Variants in MAD1L1 observed in about 807,000 individuals in gnomAD.
The protein encoded by MAD1L1 is mitotic spindle assembly checkpoint protein MAD1.
Under a neutral mutation model 96.9 loss-of-function variants are expected in MAD1L1, and 95 were observed. That is an observed-to-expected ratio of 0.98 (90% CI 0.83 to 1.16). The LOEUF (loss-of-function observed/expected upper bound fraction) is 1.16, where lower values mean the gene tolerates loss of function less well. MAD1L1 is among the 50% of genes most tolerant of loss of function. MAD1L1 has a pLI of 0.00. For synonymous variants in MAD1L1, 473 were observed against 396.6 expected, an observed-to-expected ratio of 1.19 and a Z score of -2.29; for missense variants, 1,007 against 954.4, an observed-to-expected ratio of 1.06 and a Z score of -0.73.
chr7:2,167,274 G>A (rs1790476167), intron 10 of MAD1L1, among the ~76,000 whole-genome samples: 2 of 152,156 alleles, frequency 1.3e-5, no homozygotes, highest in Non-Finnish European at 2.9e-5. Flanking sequence ...CAGGCCGGGC[G>A]CGGCAGCTCA....
At chr7:2,040,807 T>C (rs186961862) in intron 12 of MAD1L1, among the ~76,000 whole-genome samples, 2 of 152,310 alleles carry the variant, frequency 1.3e-5, no homozygotes, top group East Asian at 1.9e-4. Flanking sequence ...TCCAGGACTC[T>C]TCATTATACT....
intron 10 of MAD1L1, among the ~76,000 whole-genome samples, chr7:2,167,551 A>C (rs1790497320): frequency 6.6e-6 from 1 of 150,672 alleles, no homozygotes; most frequent in Non-Finnish European, 1.5e-5. Flanking sequence ...TCCGTCTCAA[A>C]AAATAATAAT....
intron 18 of MAD1L1, among the ~76,000 whole-genome samples, chr7:1,861,241 G>A (rs1331014549): frequency 6.6e-6 from 1 of 152,200 alleles, no homozygotes; most frequent in Non-Finnish European, 1.5e-5. Context: ...GCTGGGTCCG[G>A]TGGGGGCTGG....
At position 2,229,824 on chromosome 7, in the gene MAD1L1, C is replaced by G. The variant is rs138647497; in HGVS notation, c.150+160G>C. Among the ~76,000 whole-genome samples the G allele has an allele frequency of 3.6e-3, 543 of 152,384 alleles. 14 individuals carry two copies. The highest frequency in any genetic ancestry group is 0.032 in the Admixed American group (493 of 15,302). ...GGCCCCAACTAGCCTCCAGCTACGACCCCAAAATGAGGAGTGCCCATAGTG... is the reference window on the plus strand; with the variant it reads ...GGCCCCAACTAGCCTCCAGCTACGAGCCCAAAATGAGGAGTGCCCATAGTG... On this transcript the variant is annotated intron_variant, in intron 3 of 18. Coordinates refer to ENST00000265854, the MANE Select transcript of MAD1L1 (RefSeq NM_001013836.2).
chr7:1,960,190 CA>C (rs1208867257), intron 15 of MAD1L1, among the ~76,000 whole-genome samples: 2 of 133,656 alleles, frequency 1.5e-5, no homozygotes, highest in Non-Finnish European at 3.2e-5. Flanking sequence ...GCTAAGATGC[CA>C]AAAAAGGAAA....
At chr7:2,164,614 G>A (rs1300576297) in intron 10 of MAD1L1, among the ~76,000 whole-genome samples, 1 of 150,924 alleles carries the variant, frequency 6.6e-6, no homozygotes, top group African/African-American at 2.4e-5. Flanking sequence ...GGGGTTGCGG[G>A]TGGTAGAGGA....
intron 17 of MAD1L1, among the ~76,000 whole-genome samples, chr7:1,930,659 C>A (rs1228312005): frequency 6.6e-6 from 1 of 150,718 alleles, no homozygotes; most frequent in Non-Finnish European, 1.5e-5. Flanking sequence ...TCCTTGGGGG[C>A]CCTGATTCCC....
At chr7:2,213,777 A>C (rs572117363) in intron 9 of MAD1L1, among the ~76,000 whole-genome samples, 12 of 152,320 alleles carry the variant, frequency 7.9e-5, no homozygotes, top group Admixed American at 2.0e-4. Flanking sequence ...ACCCTGGAGC[A>C]TGAGGGAGGG....
At chr7:1,899,998 C>T (rs555439180) in intron 17 of MAD1L1, among the ~76,000 whole-genome samples, 1 of 152,238 alleles carries the variant, frequency 6.6e-6, no homozygotes, top group African/African-American at 2.4e-5. Context: ...AGGACTTCTG[C>T]CTGCAACACG....
At chr7:1,954,869 G>A (rs911140813) in intron 16 of MAD1L1, among the ~76,000 whole-genome samples, 4 of 151,324 alleles carry the variant, frequency 2.6e-5, no homozygotes, top group Admixed American at 6.6e-5. Flanking sequence ...CAGGAGCCCC[G>A]CCCACCCACT....
chr7:1,970,567 C>T (rs971276264), intron 15 of MAD1L1, among the ~76,000 whole-genome samples: 10 of 152,148 alleles, frequency 6.6e-5, no homozygotes, highest in African/African-American at 2.4e-4. Flanking sequence ...CTCCTGACCT[C>T]AGGTGATCTG....
chr7:2,187,796 C>T (rs1161749531), intron 10 of MAD1L1, among the ~76,000 whole-genome samples: 1 of 152,188 alleles, frequency 6.6e-6, no homozygotes, highest in African/African-American at 2.4e-5. Flanking sequence ...AAATATTTTA[C>T]TTAAAAACTA....
intron 10 of MAD1L1, among the ~76,000 whole-genome samples, chr7:2,158,171 A>C (rs190019234): frequency 2.0e-5 from 3 of 152,264 alleles, no homozygotes; most frequent in Admixed American, 1.3e-4. Context: ...CTGAATTTTG[A>C]CTCAAGCCCA....
At position 2,232,869 on chromosome 7, in the gene MAD1L1, T is replaced by TACCTCAGCCGCTC. The variant is rs1467221728; in HGVS notation, c.-200_-190+2dup. The TACCTCAGCCGCTC allele has an allele frequency of 5.3e-5, 8 of 152,328 alleles. No homozygotes were observed. Among genetic ancestry groups the TACCTCAGCCGCTC allele is most frequent in the Non-Finnish European group, 1.5e-5 (1 of 68,086 alleles). The allele number at this position is 152,328 out of a possible 1,614,324, so 9.4% of individuals were successfully genotyped here. A position where few individuals can be genotyped will look rare whatever the true frequency, so the allele number is the denominator to read the frequency against. ...CGCCGCCCGCGCGAGCCGGGCCGCT[T>TACCTCAGCCGCTC]ACCTCAGCCGCTCGCAGCCAGCTTG... On this transcript the variant is annotated splice_region_variant and intron_variant, in intron 1 of 18. Transcript: ENST00000265854.
chr7:1,852,943 C>T lies in MAD1L1; in HGVS notation c.1999-36715G>A, dbSNP rs57408283. Among the ~76,000 whole-genome samples, 7 of 152,326 alleles carry T rather than the reference C, an allele frequency of 4.6e-5. No homozygotes were observed. The South Asian group carries it at 1.0e-3, about 23-fold the overall frequency. On this transcript the variant is annotated intron_variant, in intron 18 of 18. Coordinates refer to ENST00000265854, the MANE Select transcript of MAD1L1 (RefSeq NM_001013836.2). ...TCTGCATCATTTATCCGGGCCTTCACGTGCTCCTCTAGCACGCACCAAGCA... is the reference window on the plus strand; with the variant it reads ...TCTGCATCATTTATCCGGGCCTTCATGTGCTCCTCTAGCACGCACCAAGCA...
At chr7:2,025,009 G>C (rs1644459697) in intron 12 of MAD1L1, among the ~76,000 whole-genome samples, 1 of 152,168 alleles carries the variant, frequency 6.6e-6, no homozygotes, top group African/African-American at 2.4e-5. Flanking sequence ...CACACAAAGA[G>C]TAAACTTTAA....
chr7:2,079,592 A>G (rs369260584), intron 11 of MAD1L1: 17 of 469,886 alleles, frequency 3.6e-5, no homozygotes, highest in African/African-American at 3.4e-4. Flanking sequence ...CCACACGGCA[A>G]ATACTCTCAT....
At chr7:1,940,868 G>C (rs1485303440) in intron 16 of MAD1L1, among the ~76,000 whole-genome samples, 2 of 134,302 alleles carry the variant, frequency 1.5e-5, no homozygotes, top group Non-Finnish European at 3.3e-5. Context: ...CTGACCCCTG[G>C]CAAGAACCAG....
rs562082588 is a variant in MAD1L1, at chr7:1,916,070, C to G, written c.1808-17680G>C. ...CCACGTCGGTGCCCATCATCCTCAC[C>G]TGTGAGGAAGTGCAGGCATCCCCAC... On this transcript the variant is annotated intron_variant, in intron 17 of 18. Transcript: ENST00000265854. Among the ~76,000 whole-genome samples the G allele has an allele frequency of 8.5e-5, 13 of 152,146 alleles. No individual in the cohort carries two copies. The South Asian group carries it at 2.7e-3, about 32-fold the overall frequency.
Sources: gnomAD v4.1 joint callset for allele counts (sites outside exome capture counted in the v4.1 genomes callset) on GRCh38, gnomAD v4.1.1 for gene constraint, MANE v1.5 for transcripts, NCBI Gene and HGNC (gene_info 2026-07-23, HGNC 2026-07-21) for gene names.